CSNK2A2: variants seen among roughly 807,000 people sequenced by gnomAD.
CSNK2A2 encodes the protein casein kinase 2 alpha 2.
In CSNK2A2, 8 loss-of-function variants were observed where a neutral mutation model predicts 54.0. That is an observed-to-expected ratio of 0.15 (90% CI 0.09 to 0.27). CSNK2A2 has a LOEUF of 0.27. Among genes scored for constraint, CSNK2A2 ranks in the 10% least tolerant of loss-of-function variants. The pLI is 1.00. For synonymous variants in CSNK2A2, 141 were observed against 153.9 expected, an observed-to-expected ratio of 0.92 and a Z score of 0.62; for missense variants, 242 against 439.4, an observed-to-expected ratio of 0.55 and a Z score of 4.02.
chr16:58,186,470 GGCTTAAAGGA>G (rs1352716417), intron 3 of CSNK2A2, among the ~76,000 whole-genome samples: 1 of 152,158 alleles, frequency 6.6e-6, no homozygotes, highest in East Asian at 1.9e-4. Context: ...AAGAGGCTGG[GGCTTAAAGGA>G]GACATTCAGC....
intron 5 of CSNK2A2, among the ~76,000 whole-genome samples, chr16:58,173,604 A>C (rs754609016): frequency 6.6e-5 from 10 of 152,236 alleles, no homozygotes; most frequent in Non-Finnish European, 1.5e-4. Flanking sequence ...TAAGTCTCTT[A>C]GACATTCTAC....
chr16:58,168,558 G>A, intron 6 of CSNK2A2, 52 bp downstream of exon 6: 3 of 1,517,222 alleles, frequency 2.0e-6, no homozygotes, highest in South Asian at 2.3e-5. Context: ...CAGCTTTTTG[G>A]TCTGCTCTAA....
Position 58,197,592 on chromosome 16 carries a change from C to A in CSNK2A2, c.104+41G>T. 1 of 1,391,624 alleles carries A rather than the reference C, an allele frequency of 7.2e-7. No homozygotes were observed. The highest frequency in any genetic ancestry group is 9.8e-7 in the Non-Finnish European group (1 of 1,020,556). 86.2% of individuals were successfully genotyped at this position (1,391,624 alleles called of 1,614,324 possible). On this transcript the variant is annotated intron_variant, in intron 1 of 11. Transcript: ENST00000262506. The surrounding 1 kb of genome is among the most constrained non-coding windows in gnomAD (Gnocchi z 4.0). The stretch of plus-strand genomic sequence containing the variant: ...TTCGCAGGGGGTGGCCGGGCGGGGG[C>A]AGGGATCAGCGGGCCCGGCGGGGGG...
At chr16:58,182,374 CAAAAAA>C (rs71155249) in intron 4 of CSNK2A2, among the ~76,000 whole-genome samples, 17 of 25,742 alleles carry the variant, frequency 6.6e-4, no homozygotes, top group East Asian at 4.1e-3. Context: ...CTAAATATAC[CAAAAAA>C]AAAAAAAAAA....
chr16:58,169,370 A>T (rs2142415694), intron 5 of CSNK2A2, among the ~76,000 whole-genome samples: 1 of 152,114 alleles, frequency 6.6e-6, no homozygotes, highest in South Asian at 2.1e-4. Context: ...CTATACTAAA[A>T]ATACAAAAGT....
chr16:58,174,280 A>T, intron 5 of CSNK2A2, 171 bp downstream of exon 5: 1 of 529,544 alleles, frequency 1.9e-6, no homozygotes, highest in Non-Finnish European at 3.3e-6. Context: ...GTTCCACTGG[A>T]AAGTTTCTAT....
At chr16:58,196,969 A>T in intron 1 of CSNK2A2, 125 bp from the exon 2 acceptor site, 1 of 733,044 alleles carries the variant, frequency 1.4e-6, no homozygotes, top group Non-Finnish European at 2.5e-6. Context: ...ATCACGTCAC[A>T]ACTCATTCCC....
chr16:58,194,924 T>TAAA (rs34830080), intron 2 of CSNK2A2, among the ~76,000 whole-genome samples: 13 of 145,540 alleles, frequency 8.9e-5, no homozygotes, highest in South Asian at 6.5e-4. Context: ...GCTGTTCCTT[T>TAAA]AAAAAAAAAA....
intron 10 of CSNK2A2, among the ~76,000 whole-genome samples, chr16:58,165,162 C>T (rs888132788): frequency 6.6e-6 from 1 of 152,224 alleles, no homozygotes; most frequent in Admixed American, 6.5e-5. Flanking sequence ...TCCATCTGTT[C>T]ATCTCCTTCT....
intron 7 of CSNK2A2, 36 bp downstream of exon 7, chr16:58,167,648 TA>T: frequency 1.3e-6 from 2 of 1,490,696 alleles, no homozygotes; most frequent in Non-Finnish European, 1.9e-6. Flanking sequence ...CCTAAGCAAG[TA>T]TAAATAACCC....
At position 58,167,791 on chromosome 16, in the gene CSNK2A2, C is replaced by T; in HGVS notation, c.518G>A (p.Arg173Gln). The T allele has an allele frequency of 6.2e-7, 1 of 1,613,486 alleles. No individual in the cohort carries two copies. Among genetic ancestry groups the T allele is most frequent in the Non-Finnish European group, 8.5e-7 (1 of 1,179,508 alleles). ...TTCTGCCAGACCCCAATCTATCAGT[C>T]GCAGCTACAAATAGGACAGAAAAAA... ...VMIDHQQKKL[R>Q]LIDWGLAEFY... Residue 173 changes from arginine to glutamine, a missense_variant, in exon 7 of 12, where the codon CGA becomes CAA. This residue lies in a region of CSNK2A2 where 40 missense variants were observed against 128.7 expected (regional missense o/e 0.31). Coordinates refer to ENST00000262506, the MANE Select transcript of CSNK2A2 (RefSeq NM_001896.4).
At chr16:58,169,128 G>A (rs1009995594) in intron 5 of CSNK2A2, among the ~76,000 whole-genome samples, 1 of 151,988 alleles carries the variant, frequency 6.6e-6, no homozygotes, top group African/African-American at 2.4e-5. Flanking sequence ...GGGTTTCACC[G>A]TGTTAGCCAG....
At chr16:58,182,399 A>C (rs912731404) in intron 4 of CSNK2A2, among the ~76,000 whole-genome samples, 9 of 146,372 alleles carry the variant, frequency 6.1e-5, no homozygotes, top group African/African-American at 1.5e-4. Context: ...AAAAAAAAAA[A>C]AAAAAACTAG....
intron 11 of CSNK2A2, chr16:58,162,953 T>C (rs1459437729): frequency 6.6e-6 from 1 of 152,184 alleles, no homozygotes; most frequent in Non-Finnish European, 1.5e-5. Context: ...GACAGACTTA[T>C]CTTTGCCATC....
intron 2 of CSNK2A2, among the ~76,000 whole-genome samples, chr16:58,190,264 GA>G: frequency 6.6e-6 from 1 of 151,980 alleles, no homozygotes; most frequent in Non-Finnish European, 1.5e-5. Context: ...ACAAAGTGGT[GA>G]AAAAAAGAAC....
chr16:58,183,038 C>T (rs1962099127), intron 4 of CSNK2A2, among the ~76,000 whole-genome samples: 1 of 151,938 alleles, frequency 6.6e-6, no homozygotes, highest in African/African-American at 2.4e-5. Context: ...ACTAATTAAC[C>T]TTGTTTTAGT....
chr16:58,181,110 C>T, intron 4 of CSNK2A2, among the ~76,000 whole-genome samples: 1 of 152,146 alleles, frequency 6.6e-6, no homozygotes, highest in Admixed American at 6.5e-5. Context: ...AGATCAAACA[C>T]CTCTGCTCTA....
intron 2 of CSNK2A2, among the ~76,000 whole-genome samples, chr16:58,189,521 G>A (rs1962274452): frequency 6.6e-6 from 1 of 152,078 alleles, no homozygotes; most frequent in Non-Finnish European, 1.5e-5. Flanking sequence ...GTCTTGCATT[G>A]GTCTCCGGTT....
chr16:58,160,404 T>TA (rs1453259662), intron 11 of CSNK2A2: 3 of 152,192 alleles, frequency 2.0e-5, no homozygotes, highest in Non-Finnish European at 4.4e-5. Flanking sequence ...GAACTGGTAT[T>TA]AAAGGAAACT....
Sources: gnomAD v4.1 joint callset for allele counts (sites outside exome capture counted in the v4.1 genomes callset) on GRCh38, gnomAD v4.1.1 for gene constraint, gnomAD v4.1.1 regional missense constraint, Gnocchi (gnomAD v3.1) non-coding constraint, MANE v1.5 for transcripts, NCBI Gene and HGNC (gene_info 2026-07-23, HGNC 2026-07-21) for gene names.